Variants in ADRA1A observed in about 807,000 individuals in gnomAD.
The protein encoded by ADRA1A is adrenoceptor alpha 1A, also known as alpha-1A adrenergic receptor.
ADRA1A carries 31 observed loss-of-function variants against 29.6 expected under a neutral mutation model. The ratio of observed to expected loss-of-function variants is 1.05; its 90% CI spans 0.79 to 1.41. The LOEUF (loss-of-function observed/expected upper bound fraction) is 1.41, where lower values mean the gene tolerates loss of function less well. Ranked by LOEUF, ADRA1A falls within the 40% of genes most tolerant of loss-of-function variation. The pLI, the probability that ADRA1A is intolerant of heterozygous loss-of-function variation, is 0.00. For synonymous variants in ADRA1A, 311 were observed against 254.3 expected (o/e 1.22, Z -2.12); for missense variants, 619 against 601.1 (o/e 1.03, Z -0.31).
intron 2 of ADRA1A, among the ~76,000 whole-genome samples, chr8:26,812,556 G>T (rs1167001158): frequency 6.6e-6 from 1 of 151,884 alleles, no homozygotes; most frequent in African/African-American, 2.4e-5. Context: ...TTCAGTACCA[G>T]AAAATCATAA....
At position 26,769,677 on chromosome 8, in the gene ADRA1A, A is replaced by T. The variant is rs1248623442; in HGVS notation, c.*472T>A. 5 of 986,280 alleles carry T rather than the reference A, an allele frequency of 5.1e-6. No homozygotes were observed. In the African/African-American group the frequency reaches 8.7e-5, roughly 17 times the overall value. 61.1% of individuals were successfully genotyped at this position (986,280 alleles called of 1,614,324 possible). On this transcript the variant is annotated 3_prime_UTR_variant, in exon 3 of 3. Transcript: ENST00000380573. ...GTGTCTGGATCTCGGCCACCATCTT[A>T]ATGCTCTTCCTCTCTAGGCCCTCTC...
At chr8:26,844,439 G>A (rs1648794746) in intron 2 of ADRA1A, among the ~76,000 whole-genome samples, 1 of 152,080 alleles carries the variant, frequency 6.6e-6, no homozygotes, top group Admixed American at 6.6e-5. Flanking sequence ...AAAAAATAGT[G>A]GGTAGTAATT....
chr8:26,803,866 T>G (rs1323741949), intron 2 of ADRA1A, among the ~76,000 whole-genome samples: 4 of 150,294 alleles, frequency 2.7e-5, no homozygotes, highest in African/African-American at 7.3e-5. Context: ...CGTAATGAGA[T>G]ACTACCACAT....
intron 2 of ADRA1A, among the ~76,000 whole-genome samples, chr8:26,777,791 G>A (rs1162588328): frequency 6.6e-6 from 1 of 152,238 alleles, no homozygotes; most frequent in Non-Finnish European, 1.5e-5. Flanking sequence ...CAGTGAGTAA[G>A]GGGAACCGGG....
downstream of ADRA1A, among the ~76,000 whole-genome samples, chr8:26,753,452 T>C (rs1308398809): frequency 9.4e-5 from 1 of 10,688 alleles, no homozygotes; most frequent in Non-Finnish European, 4.5e-4. Context: ...TACTTTCTAT[T>C]TTTTTTTAAA....
At position 26,806,184 on chromosome 8, in the gene ADRA1A, C is replaced by T. The variant is rs1808968363; in HGVS notation, c.884-35518G>A. 6.6e-6 allele frequency among the ~76,000 whole-genome samples: 1 copy of T among 152,196 alleles called. No individual in the cohort carries two copies. Among genetic ancestry groups the T allele is most frequent in the Non-Finnish European group, 1.5e-5 (1 of 68,040 alleles). Reference sequence around the variant, plus strand: ...GACCCATTATGGGTTATTAGCACTGCCCTGTTTTTAACTGGGTTGCAATTC... The same window carrying T: ...GACCCATTATGGGTTATTAGCACTGTCCTGTTTTTAACTGGGTTGCAATTC... On this transcript the variant is annotated intron_variant, in intron 2 of 2. Coordinates refer to ENST00000380573, the MANE Select transcript of ADRA1A (RefSeq NM_000680.4). The surrounding 1 kb of genome is among the most constrained non-coding windows in gnomAD (Gnocchi z 4.6).
Position 26,784,918 on chromosome 8 carries a change from T to C in ADRA1A, c.884-14252A>G, listed in dbSNP as rs114404453. Among the ~76,000 whole-genome samples the C allele has an allele frequency of 3.3e-3, 497 of 152,224 alleles. 2 individuals carry two copies. Among genetic ancestry groups the C allele is most frequent in the African/African-American group, 0.011 (468 of 41,534 alleles). ...TTTACCATCAATGATACATGAAAAGTATCTCAGAATAGGCGGGATACCCAC... is the reference window on the plus strand; with the variant it reads ...TTTACCATCAATGATACATGAAAAGCATCTCAGAATAGGCGGGATACCCAC... On this transcript the variant is annotated intron_variant, in intron 2 of 2. Transcript: ENST00000380573.
At position 26,787,203 on chromosome 8, in the gene ADRA1A, A is replaced by G. The variant is rs1223054654; in HGVS notation, c.884-16537T>C. ...CTGCTTTGCTGGCTTTATAGTGAAA[A>G]TAGTGCACAGAGCCATAGTACTTGA... On this transcript the variant is annotated intron_variant, in intron 2 of 2. Coordinates refer to ENST00000380573, the MANE Select transcript of ADRA1A (RefSeq NM_000680.4). This position sits in a 1 kb window ranked among gnomAD's most constrained non-coding sequence, Gnocchi z 4.2. 6.6e-6 allele frequency among the ~76,000 whole-genome samples: 1 copy of G among 152,218 alleles called. No individual in the cohort carries two copies. The highest frequency in any genetic ancestry group is 1.5e-5 in the Non-Finnish European group (1 of 68,034).
intron 2 of ADRA1A, among the ~76,000 whole-genome samples, chr8:26,804,204 A>G (rs942180046): frequency 6.6e-6 from 1 of 152,092 alleles, no homozygotes; most frequent in Non-Finnish European, 1.5e-5. Context: ...TATGGGAATA[A>G]GCCATGAATT....
intron 2 of ADRA1A, among the ~76,000 whole-genome samples, chr8:26,812,577 T>G (rs1809467883): frequency 6.6e-6 from 1 of 152,008 alleles, no homozygotes; most frequent in South Asian, 2.1e-4. Flanking sequence ...ATGAGCATCT[T>G]TCTTGTGAAG....
intron 2 of ADRA1A, among the ~76,000 whole-genome samples, chr8:26,834,610 C>T (rs1027400150): frequency 2.0e-5 from 3 of 152,150 alleles, no homozygotes; most frequent in South Asian, 2.1e-4. Flanking sequence ...CCTTGTAGAG[C>T]ACAGCAATCT....
chr8:26,864,784 G>A lies in ADRA1A; in HGVS notation c.186C>T (p.His62=), dbSNP rs1813775753. 2 of 1,614,178 alleles carry A rather than the reference G, an allele frequency of 1.2e-6. No homozygotes were observed. ...CCACCGCCAGGTTGACGATGTAGTA[G>A]TGCGTGACTGAGTGCAGGTGTCGGT... ...ACHRHLHSVT[H]YYIVNLAVAD... Residue 62 remains histidine (H), a synonymous_variant, in exon 2 of 3, where the codon CAC becomes CAT. Coordinates refer to ENST00000380573, the MANE Select transcript of ADRA1A (RefSeq NM_000680.4). This position sits in a 1 kb window ranked among gnomAD's most constrained non-coding sequence, Gnocchi z 8.1.
At chr8:26,846,378 G>A (rs1563302782) in intron 2 of ADRA1A, among the ~76,000 whole-genome samples, 1 of 152,076 alleles carries the variant, frequency 6.6e-6, no homozygotes, top group Non-Finnish European at 1.5e-5. Flanking sequence ...CTCTGTTGTG[G>A]GGGCTGTCCT....
intron 2 of ADRA1A, among the ~76,000 whole-genome samples, chr8:26,813,572 C>T (rs1219143265): frequency 6.6e-6 from 1 of 152,078 alleles, no homozygotes; most frequent in Admixed American, 6.6e-5. Flanking sequence ...GGTGCTTGGC[C>T]TGGATCCCAG....
chr8:26,827,848 C>T (rs1169705554), intron 2 of ADRA1A, among the ~76,000 whole-genome samples: 1 of 152,108 alleles, frequency 6.6e-6, no homozygotes, highest in Non-Finnish European at 1.5e-5. Flanking sequence ...ACATTCAGAT[C>T]ATAGCACTGA....
At chr8:26,837,221 T>C in intron 2 of ADRA1A, among the ~76,000 whole-genome samples, 1 of 152,194 alleles carries the variant, frequency 6.6e-6, no homozygotes, top group East Asian at 1.9e-4. Flanking sequence ...TTAAAAAAGC[T>C]TTTTAAATTT....
intron 2 of ADRA1A, among the ~76,000 whole-genome samples, chr8:26,780,546 C>T (rs1296325703): frequency 2.0e-5 from 3 of 152,178 alleles, no homozygotes; most frequent in East Asian, 1.9e-4. Flanking sequence ...CACTCATCCA[C>T]GAGCCCTTCT....
rs1005908714 is a variant in ADRA1A at position 26,809,741 on chromosome 8, G to A, written c.884-39075C>T. On this transcript the variant is annotated intron_variant, in intron 2 of 2. Transcript: ENST00000380573. ...ATGGAATGGTTTCTTCCCACAAAGCGCTGAGTAAGAGAAAGCTGTGGCCTT... is the reference window on the plus strand; with the variant it reads ...ATGGAATGGTTTCTTCCCACAAAGCACTGAGTAAGAGAAAGCTGTGGCCTT... Among the ~76,000 whole-genome samples the A allele has an allele frequency of 5.3e-5, 8 of 152,326 alleles. No homozygotes were observed. The Middle Eastern group carries it at 0.01, about 194-fold the overall frequency.
intron 2 of ADRA1A, among the ~76,000 whole-genome samples, chr8:26,800,969 C>T (rs1025974680): frequency 6.6e-6 from 1 of 151,956 alleles, no homozygotes; most frequent in African/African-American, 2.4e-5. Context: ...AAGGATGGTT[C>T]AACATATTCA....
Sources: gnomAD v4.1 joint callset for allele counts (sites outside exome capture counted in the v4.1 genomes callset) on GRCh38, gnomAD v4.1.1 for gene constraint, Gnocchi (gnomAD v3.1) non-coding constraint, MANE v1.5 for transcripts, NCBI Gene and HGNC (gene_info 2026-07-23, HGNC 2026-07-21) for gene names.